PRORP: variants seen among roughly 807,000 people sequenced by gnomAD.
PRORP encodes the protein protein only RNase P catalytic subunit, also known as mitochondrial ribonuclease P catalytic subunit.
A neutral mutation model predicts 59.4 loss-of-function variants in PRORP; 51 were observed. The ratio of observed to expected loss-of-function variants is 0.86; its 90% CI spans 0.69 to 1.08. The LOEUF is 1.08. Ranked by LOEUF, PRORP falls within the 50% of genes least tolerant of loss-of-function variation. PRORP has a pLI of 0.00. For synonymous variants in PRORP, 231 were observed against 245.6 expected (o/e 0.94, Z 0.55); for missense variants, 646 against 690.3 (o/e 0.94, Z 0.72).
intron 4 of PRORP, among the ~76,000 whole-genome samples, chr14:35,169,689 TCCCTTC>T (rs201783951): frequency 0.12 from 18,880 of 152,114 alleles, 1,229 homozygotes; most frequent in Middle Eastern, 0.16. Context: ...TACCAGGTCT[TCCCTTC>T]AACACCTGGG....
intron 5 of PRORP, among the ~76,000 whole-genome samples, chr14:35,247,852 T>G (rs2050520423): frequency 6.6e-6 from 1 of 152,152 alleles, no homozygotes; most frequent in African/African-American, 2.4e-5. Context: ...TGCATATAAA[T>G]GTTTGGAGAA....
At chr14:35,149,454 C>G (rs2047690717) in intron 4 of PRORP, among the ~76,000 whole-genome samples, 1 of 152,116 alleles carries the variant, frequency 6.6e-6, no homozygotes, top group African/African-American at 2.4e-5. Flanking sequence ...CTCAAGTGAT[C>G]CTCTTGCTTC....
intron 5 of PRORP, among the ~76,000 whole-genome samples, chr14:35,184,190 T>C (rs2048687502): frequency 6.6e-6 from 1 of 152,162 alleles, no homozygotes. Context: ...ATTCATTGTT[T>C]ATGGAATAGC....
intron 4 of PRORP, among the ~76,000 whole-genome samples, chr14:35,175,077 C>T (rs1490225875): frequency 1.3e-5 from 2 of 151,872 alleles, no homozygotes; most frequent in Non-Finnish European, 2.9e-5. Flanking sequence ...TGAACTCATC[C>T]TTTTTTATGG....
intron 5 of PRORP, among the ~76,000 whole-genome samples, chr14:35,217,524 A>G (rs926413127): frequency 6.6e-6 from 1 of 151,372 alleles, no homozygotes; most frequent in Non-Finnish European, 1.5e-5. Context: ...AAAAGAAAAG[A>G]AACCATTGTT....
At chr14:35,252,616 C>A (rs942917925) in intron 5 of PRORP, among the ~76,000 whole-genome samples, 1 of 152,064 alleles carries the variant, frequency 6.6e-6, no homozygotes, top group African/African-American at 2.4e-5. Context: ...TTACCCTGTC[C>A]AGCTCTCTCT....
intron 5 of PRORP, among the ~76,000 whole-genome samples, chr14:35,215,730 C>T (rs1308945994): frequency 1.3e-5 from 2 of 151,806 alleles, no homozygotes. Flanking sequence ...TTCACCACTG[C>T]ACTCCAGCCC....
intron 5 of PRORP, chr14:35,219,283 T>C (rs1406704679): frequency 6.6e-6 from 1 of 152,214 alleles, no homozygotes; most frequent in Admixed American, 6.5e-5. Flanking sequence ...GTCAGGAACA[T>C]GGTGCATGTG....
At chr14:35,207,941 GGA>G (rs1263832348) in intron 5 of PRORP, among the ~76,000 whole-genome samples, 2 of 152,076 alleles carry the variant, frequency 1.3e-5, no homozygotes, top group Non-Finnish European at 2.9e-5. Flanking sequence ...CACAAGGTCA[GGA>G]GTTCAAGACC....
chr14:35,127,637 C>T (rs764065663), intron 4 of PRORP, 26 bp downstream of exon 4: 1 of 1,613,024 alleles, frequency 6.2e-7, no homozygotes, highest in African/African-American at 1.3e-5. Context: ...TTTATTTCTT[C>T]TTGGATTGCT....
intron 4 of PRORP, among the ~76,000 whole-genome samples, chr14:35,128,110 A>G (rs1458732489): frequency 1.3e-5 from 2 of 152,234 alleles, no homozygotes; most frequent in Non-Finnish European, 2.9e-5. Context: ...TTTTCTTAGT[A>G]TCACGTTAAC....
At chr14:35,210,022 A>C (rs1336577058) in intron 5 of PRORP, among the ~76,000 whole-genome samples, 1 of 152,252 alleles carries the variant, frequency 6.6e-6, no homozygotes, top group Admixed American at 6.5e-5. Context: ...CAAAATAAAA[A>C]ACACATGCTG....
chr14:35,225,678 T>G (rs1455504590), intron 5 of PRORP, among the ~76,000 whole-genome samples: 3 of 152,082 alleles, frequency 2.0e-5, no homozygotes, highest in Non-Finnish European at 4.4e-5. Context: ...TGTTTATGCT[T>G]TCTTTTTTGG....
intron 5 of PRORP, among the ~76,000 whole-genome samples, chr14:35,263,207 G>A (rs541935802): frequency 1.3e-5 from 2 of 152,312 alleles, no homozygotes; most frequent in South Asian, 2.1e-4. Flanking sequence ...GTAGTGAGCT[G>A]TGAGTCATTT....
intron 5 of PRORP, chr14:35,219,299 G>GC (rs2049708263): frequency 6.6e-6 from 1 of 152,236 alleles, no homozygotes; most frequent in Non-Finnish European, 1.5e-5. Context: ...ATGTGGCCGA[G>GC]CCCCTTAGGA....
chr14:35,249,393 GCA>G (rs2050559262), intron 5 of PRORP, among the ~76,000 whole-genome samples: 1 of 151,880 alleles, frequency 6.6e-6, no homozygotes, highest in Non-Finnish European at 1.5e-5. Flanking sequence ...ACCAGCCTGG[GCA>G]ACATCATGAG....
chr14:35,259,163 A>G lies in PRORP; in HGVS notation c.1276-7564A>G, dbSNP rs550511208. 5.9e-5 allele frequency among the ~76,000 whole-genome samples: 9 copies of G among 152,266 alleles called. No individual in the cohort carries two copies. The East Asian group carries it at 7.7e-4, about 13-fold the overall frequency. On this transcript the variant is annotated intron_variant, in intron 5 of 7. Coordinates refer to ENST00000534898, the MANE Select transcript of PRORP (RefSeq NM_014672.4). ...TTTGGTACACACATTTAAGATTGCT[A>G]TGTTTTCTTAGATTGACCCTGTTAC...
intron 5 of PRORP, among the ~76,000 whole-genome samples, chr14:35,238,929 A>G (rs1438810408): frequency 6.6e-6 from 1 of 152,168 alleles, no homozygotes; most frequent in Non-Finnish European, 1.5e-5. Flanking sequence ...CAGCTTATAG[A>G]GTCCTTTCAT....
intron 5 of PRORP, among the ~76,000 whole-genome samples, chr14:35,217,367 G>A (rs752695537): frequency 6.6e-6 from 1 of 151,928 alleles, no homozygotes; most frequent in Non-Finnish European, 1.5e-5. Context: ...CTGGCGTGGT[G>A]GCAGGCACCT....
Sources: allele counts gnomAD v4.1 joint callset (sites outside exome capture counted in the v4.1 genomes callset), GRCh38; gene constraint gnomAD v4.1.1; transcripts MANE v1.5; gene names NCBI Gene and HGNC (gene_info 2026-07-23, HGNC 2026-07-21).